The following CTIF variants were observed in gnomAD, a reference collection of about 807,000 sequenced individuals.
CTIF encodes cap binding complex dependent translation initiation factor.
CTIF carries 21 observed loss-of-function variants against 66.0 expected under a neutral mutation model. The ratio of observed to expected loss-of-function variants is 0.32; its 90% CI spans 0.23 to 0.46. CTIF has a LOEUF of 0.46. Ranked by LOEUF, CTIF falls within the 20% of genes least tolerant of loss-of-function variation. CTIF has a pLI of 1.00. For synonymous variants in CTIF, 345 were observed against 326.4 expected (o/e 1.06, Z -0.62); for missense variants, 739 against 812.7 (o/e 0.91, Z 1.10).
intron 1 of CTIF, among the ~76,000 whole-genome samples, chr18:48,602,856 TGGA>T (rs1458341234): frequency 2.1e-5 from 3 of 140,492 alleles, no homozygotes; most frequent in Non-Finnish European, 4.5e-5. Context: ...GATGAATGGA[TGGA>T]TGGATGGATG....
At chr18:48,817,200 C>G in intron 9 of CTIF, 21 bp from the exon 10 acceptor site, 1 of 1,608,770 alleles carries the variant, frequency 6.2e-7, no homozygotes, top group Non-Finnish European at 8.5e-7. Context: ...GAGGCTGACG[C>G]GGTCTCTCAT....
At chr18:48,564,171 A>G (rs1182340379) in intron 1 of CTIF, among the ~76,000 whole-genome samples, 1 of 152,166 alleles carries the variant, frequency 6.6e-6, no homozygotes, top group Non-Finnish European at 1.5e-5. Flanking sequence ...TCTTAGGGGC[A>G]AGGACTTAGG....
At chr18:48,735,405 T>G (rs554638818) in intron 7 of CTIF, among the ~76,000 whole-genome samples, 2 of 152,320 alleles carry the variant, frequency 1.3e-5, no homozygotes, top group South Asian at 4.2e-4. Context: ...CATCTGTGGC[T>G]GCATCTTTGG....
At chr18:48,643,073 C>G (rs138773134) in intron 3 of CTIF, among the ~76,000 whole-genome samples, 2 of 152,320 alleles carry the variant, frequency 1.3e-5, no homozygotes, top group Admixed American at 1.3e-4. Flanking sequence ...TCTCTAGTAG[C>G]AGCTTCCCGG....
intron 3 of CTIF, among the ~76,000 whole-genome samples, chr18:48,638,974 G>GC (rs1409672068): frequency 6.6e-6 from 1 of 152,206 alleles, no homozygotes; most frequent in East Asian, 1.9e-4. Flanking sequence ...CCCCTGACCT[G>GC]CGGTGGCCGA....
chr18:48,546,560 AG>A (rs140690518), intron 1 of CTIF, among the ~76,000 whole-genome samples: 4,872 of 152,230 alleles, frequency 0.032, 255 homozygotes, highest in African/African-American at 0.11. Flanking sequence ...ATGGAATGTA[AG>A]GGAAATCCCC....
chr18:48,640,211 T>C (rs1322721797), intron 3 of CTIF, among the ~76,000 whole-genome samples: 1 of 152,212 alleles, frequency 6.6e-6, no homozygotes, highest in African/African-American at 2.4e-5. Flanking sequence ...GCACCCCGGC[T>C]GGCTCCTTGC....
chr18:48,695,423 C>T (rs747478176), intron 6 of CTIF, among the ~76,000 whole-genome samples: 26 of 152,182 alleles, frequency 1.7e-4, no homozygotes, highest in Admixed American at 1.2e-3. Context: ...GATGGGCACT[C>T]GCTGCCGTCA....
chr18:48,761,594 A>G lies in CTIF; in HGVS notation c.1276A>G (p.Ser426Gly). 2 of 1,614,208 alleles carry G rather than the reference A, an allele frequency of 1.2e-6. No homozygotes were observed. The highest frequency in any genetic ancestry group is 1.7e-6 in the Non-Finnish European group (2 of 1,180,028). The change falls in exon 9 of 12, where the codon AGC (serine) becomes GGC (glycine). Residue 426 changes from serine (S) to glycine (G), a missense_variant. This residue lies in a region of CTIF where 210 missense variants were observed against 292.3 expected (regional missense o/e 0.72). Transcript: ENST00000256413. This position sits in a 1 kb window ranked among gnomAD's most constrained non-coding sequence, Gnocchi z 4.2. ...TIYQKAVSDR[S>G]FAFTAAKLCD... ...CTACCAGAAGGCTGTGTCCGACCGC[A>G]GCTTCGCCTTCACCGCTGCCAAGCT... is the stretch of plus-strand genomic sequence containing the variant.
chr18:48,792,718 G>A (rs1230512228), intron 9 of CTIF, among the ~76,000 whole-genome samples: 2 of 152,150 alleles, frequency 1.3e-5, no homozygotes, highest in African/African-American at 4.8e-5. Flanking sequence ...AAGAATGTTG[G>A]GGTCAAGGAT....
chr18:48,551,840 C>T (rs2088890228), intron 1 of CTIF, among the ~76,000 whole-genome samples: 1 of 152,050 alleles, frequency 6.6e-6, no homozygotes, highest in Admixed American at 6.5e-5. Flanking sequence ...CTCTGTCACC[C>T]AGGCTGGAGT....
At chr18:48,629,970 C>G (rs987343452) in intron 2 of CTIF, among the ~76,000 whole-genome samples, 1 of 152,220 alleles carries the variant, frequency 6.6e-6, no homozygotes, top group Non-Finnish European at 1.5e-5. Flanking sequence ...CCCTTATCCA[C>G]TGTTTTGCTT....
chr18:48,767,079 C>G (rs976157572), intron 9 of CTIF, among the ~76,000 whole-genome samples: 3 of 152,168 alleles, frequency 2.0e-5, no homozygotes, highest in Non-Finnish European at 4.4e-5. Flanking sequence ...CACCAAGGTT[C>G]CCAACTTCTC....
At chr18:48,754,161 G>C (rs1182885334) in intron 7 of CTIF, among the ~76,000 whole-genome samples, 2 of 152,192 alleles carry the variant, frequency 1.3e-5, no homozygotes, top group African/African-American at 4.8e-5. Context: ...TCACCACCGA[G>C]GTCTCAGTGG....
intron 1 of CTIF, among the ~76,000 whole-genome samples, chr18:48,562,577 C>T (rs1039138900): frequency 6.6e-6 from 1 of 152,194 alleles, no homozygotes; most frequent in African/African-American, 2.4e-5. Flanking sequence ...GCTATAACAT[C>T]TGGCAAATTA....
intron 9 of CTIF, among the ~76,000 whole-genome samples, chr18:48,767,949 C>T (rs1382765647): frequency 6.6e-6 from 1 of 152,194 alleles, no homozygotes; most frequent in African/African-American, 2.4e-5. Flanking sequence ...ATCAGTGAAT[C>T]TCTCAAGTGT....
intron 2 of CTIF, among the ~76,000 whole-genome samples, chr18:48,628,810 T>C (rs1300807902): frequency 6.6e-6 from 1 of 151,804 alleles, no homozygotes; most frequent in Non-Finnish European, 1.5e-5. Context: ...AAAGCCTCCC[T>C]CTCTCTCTCT....
At position 48,619,560 on chromosome 18, in the gene CTIF, G is replaced by A; in HGVS notation, c.-6G>A. ...CAGTCCCGGCCCAGGCCCCTGAGCTGGAGGGATGGAAAACTCCTCTGCAGC... is the reference window on the plus strand; with the variant it reads ...CAGTCCCGGCCCAGGCCCCTGAGCTAGAGGGATGGAAAACTCCTCTGCAGC... On this transcript the variant is annotated 5_prime_UTR_variant, in exon 2 of 12. Coordinates refer to ENST00000256413, the MANE Select transcript of CTIF (RefSeq NM_014772.3). 6.5e-7 allele frequency: 1 copy of A among 1,539,748 alleles called. No homozygotes were observed. Among genetic ancestry groups the A allele is most frequent in the Non-Finnish European group, 8.8e-7 (1 of 1,142,302 alleles).
intron 1 of CTIF, among the ~76,000 whole-genome samples, chr18:48,561,424 A>G (rs2089161577): frequency 1.3e-5 from 2 of 152,112 alleles, no homozygotes. Context: ...AGCCATTCCC[A>G]GAAATTGCTG....
Sources: allele counts gnomAD v4.1 joint callset (sites outside exome capture counted in the v4.1 genomes callset), GRCh38; gene constraint gnomAD v4.1.1; regional missense constraint gnomAD v4.1.1; non-coding constraint Gnocchi (gnomAD v3.1); transcripts MANE v1.5; gene names NCBI Gene and HGNC (gene_info 2026-07-23, HGNC 2026-07-21).